Variants in RSPO3 observed in about 807,000 individuals in gnomAD.
The protein encoded by RSPO3 is R-spondin-3.
A neutral mutation model predicts 36.5 loss-of-function variants in RSPO3; 17 were observed. The observed-to-expected ratio is 0.47, with a 90% CI of 0.32 to 0.70. The LOEUF is 0.70. RSPO3 is among the 30% of genes least tolerant of loss of function. RSPO3 has a pLI of 0.04. For missense variants in RSPO3, 294 were observed against 322.5 expected (o/e 0.91, Z 0.68); for synonymous variants, 108 against 107.0 (o/e 1.01, Z -0.06).
Position 127,195,969 on chromosome 6 carries a change from G to T in RSPO3, c.781G>T (p.Asp261Tyr). The change falls in exon 5 of 5, where the codon GAT becomes TAT. Residue 261 changes from aspartate (D) to tyrosine (Y), a missense_variant. Physicochemically the swap from Asp to Tyr is radical, Grantham distance 160. Transcript: ENST00000356698. ...KQQQKKRKVQ[D>Y]KQKSVSVSTV... ...GCAGCAGAAGAAGCGAAAAGTCCAA[G>T]ATAAACAGAAATCGGTATCAGTCAG... 1 of 1,612,906 alleles carries T rather than the reference G, an allele frequency of 6.2e-7. No individual in the cohort carries two copies. Among genetic ancestry groups the T allele is most frequent in the Non-Finnish European group, 8.5e-7 (1 of 1,179,164 alleles).
At chr6:127,146,107 T>C (rs1287280557) in intron 1 of RSPO3, among the ~76,000 whole-genome samples, 3 of 152,136 alleles carry the variant, frequency 2.0e-5, no homozygotes, top group Non-Finnish European at 2.9e-5. Context: ...CATTTCTCTC[T>C]CTTCCCACAG....
chr6:127,136,378 C>G (rs908821027), intron 1 of RSPO3, among the ~76,000 whole-genome samples: 2 of 152,140 alleles, frequency 1.3e-5, no homozygotes, highest in Admixed American at 1.3e-4. Flanking sequence ...TTTTAAAAAA[C>G]AAACCAATTA....
intron 4 of RSPO3, among the ~76,000 whole-genome samples, chr6:127,179,973 C>A (rs1775148315): frequency 6.6e-6 from 1 of 151,850 alleles, no homozygotes; most frequent in Non-Finnish European, 1.5e-5. Flanking sequence ...CTCTGCATCT[C>A]ATGGTCAGCT....
In RSPO3 at chr6:127,195,873, A is replaced by G. The variant is rs1403580052; in HGVS notation, c.685A>G (p.Lys229Glu). 10 of 1,607,502 alleles carry G rather than the reference A, an allele frequency of 6.2e-6. No individual in the cohort carries two copies. In the Admixed American group the frequency reaches 1.7e-4, roughly 27 times the overall value. ...KRKKPNKGESKEAIPDSKSLE... is the reference protein window; with the variant it reads ...KRKKPNKGESEEAIPDSKSLE... ...AAAAAAACCTAATAAAGGAGAAAGT[A>G]AAGAAGCAATACCTGACAGCAAAAG... The change falls in exon 5 of 5, where the codon AAA becomes GAA. Residue 229 changes from lysine (K) to glutamate (E), a missense_variant. By Grantham distance (56) the Lys-to-Glu change is moderately conservative. Coordinates refer to ENST00000356698, the MANE Select transcript of RSPO3 (RefSeq NM_032784.5).
intron 1 of RSPO3, among the ~76,000 whole-genome samples, chr6:127,121,847 A>G (rs1478133631): frequency 6.6e-6 from 1 of 152,230 alleles, no homozygotes; most frequent in Admixed American, 6.5e-5. Context: ...TTTTCAAAAG[A>G]GGCTGGCTAT....
chr6:127,163,971 G>A (rs1010614397), intron 4 of RSPO3, among the ~76,000 whole-genome samples: 20 of 151,970 alleles, frequency 1.3e-4, no homozygotes, highest in African/African-American at 4.8e-4. Context: ...AGCTCACACT[G>A]CCTTCATTCC....
intron 1 of RSPO3, among the ~76,000 whole-genome samples, chr6:127,146,018 C>T (rs903915953): frequency 3.3e-5 from 5 of 151,978 alleles, no homozygotes; most frequent in African/African-American, 4.8e-5. Flanking sequence ...GATCCTTATA[C>T]GGCATTCAAG....
chr6:127,143,282 T>C (rs1349555821), intron 1 of RSPO3, among the ~76,000 whole-genome samples: 1 of 152,078 alleles, frequency 6.6e-6, no homozygotes, highest in East Asian at 1.9e-4. Flanking sequence ...CCATGAGACC[T>C]CTTCCCTCAG....
At chr6:127,157,640 TGTAG>T (rs1335554980) in intron 4 of RSPO3, among the ~76,000 whole-genome samples, 2 of 152,024 alleles carry the variant, frequency 1.3e-5, no homozygotes, top group African/African-American at 4.8e-5. Context: ...AACTAGAAAA[TGTAG>T]GTGTTTTATT....
intron 4 of RSPO3, among the ~76,000 whole-genome samples, chr6:127,161,528 CGGTGGTCGAAAATCAT>C (rs1018351714): frequency 3.3e-5 from 5 of 152,052 alleles, no homozygotes; most frequent in African/African-American, 1.2e-4. Context: ...ATTTTATTAA[CGGTGGTCGAAAATCAT>C]GGTGGACATT....
intron 4 of RSPO3, among the ~76,000 whole-genome samples, chr6:127,175,459 C>A (rs1775033998): frequency 6.6e-6 from 1 of 151,664 alleles, no homozygotes; most frequent in Non-Finnish European, 1.5e-5. Context: ...CTACCACCAC[C>A]AAGTGGAAAT....
chr6:127,147,062 C>A (rs1470533792), intron 1 of RSPO3, among the ~76,000 whole-genome samples: 1 of 152,108 alleles, frequency 6.6e-6, no homozygotes, highest in Non-Finnish European at 1.5e-5. Context: ...GAGGAGCATG[C>A]ACAGGAAAAG....
At chr6:127,130,973 CT>C (rs1774041282) in intron 1 of RSPO3, among the ~76,000 whole-genome samples, 1 of 152,038 alleles carries the variant, frequency 6.6e-6, no homozygotes, top group Non-Finnish European at 1.5e-5. Context: ...GATGGTAACT[CT>C]CAGTCCCCTC....
intron 1 of RSPO3, among the ~76,000 whole-genome samples, chr6:127,139,965 G>C (rs1774237925): frequency 6.6e-6 from 1 of 151,862 alleles, no homozygotes. Context: ...CTTTATTTTT[G>C]GTTCTGTGAG....
At chr6:127,167,911 T>C in intron 4 of RSPO3, among the ~76,000 whole-genome samples, 1 of 151,904 alleles carries the variant, frequency 6.6e-6, no homozygotes, top group Non-Finnish European at 1.5e-5. Flanking sequence ...GTTTCCAGCT[T>C]CATCCATGTC....
rs765045041 is a variant in RSPO3, at chr6:127,148,606, T to A, written c.98-42T>A. On this transcript the variant is annotated intron_variant, in intron 1 of 4. Coordinates refer to ENST00000356698, the MANE Select transcript of RSPO3 (RefSeq NM_032784.5). ...CCAGAAAATGTCATTTTTTTATCTG[T>A]GATTTAACCTTTGTAATGTCTTTCT... is the stretch of plus-strand genomic sequence containing the variant. 4.7e-6 allele frequency: 7 copies of A among 1,490,084 alleles called. No homozygotes were observed. The East Asian group carries it at 1.6e-4, about 34-fold the overall frequency. 92.3% of individuals were successfully genotyped at this position (1,490,084 alleles called of 1,614,324 possible).
rs199511224 is a variant in RSPO3, at chr6:127,122,619, C to G, written c.97+3330C>G. On this transcript the variant is annotated intron_variant, in intron 1 of 4. Transcript: ENST00000356698. Reference sequence around the variant, plus strand: ...GCCATGAATCTCACAGTTATGTACACCTTTATTCTATATTCTGGTCATAGA... The same window carrying G: ...GCCATGAATCTCACAGTTATGTACAGCTTTATTCTATATTCTGGTCATAGA... 8.5e-5 allele frequency among the ~76,000 whole-genome samples: 13 copies of G among 152,256 alleles called. No homozygotes were observed. In the East Asian group the frequency reaches 2.5e-3, roughly 29 times the overall value.
intron 1 of RSPO3, among the ~76,000 whole-genome samples, chr6:127,122,991 A>G (rs1773874562): frequency 6.6e-6 from 1 of 152,128 alleles, no homozygotes; most frequent in African/African-American, 2.4e-5. Context: ...TTATATGCAT[A>G]ATAATTTAAA....
chr6:127,195,954 A>C lies in RSPO3; in HGVS notation c.766A>C (p.Lys256Gln), dbSNP rs1331045677. Residue 256 changes from lysine to glutamine, a missense_variant, in exon 5 of 5, where the codon AAG becomes CAG. By Grantham distance (53) the Lys-to-Gln change is moderately conservative. Transcript: ENST00000356698. ...ACGAGAAAACAAACAGCAGCAGAAG[A>C]AGCGAAAAGTCCAAGATAAACAGAA... The part of the protein sequence containing the change: ...EQRENKQQQK[K>Q]RKVQDKQKSV... 18 of 1,612,984 alleles carry C rather than the reference A, an allele frequency of 1.1e-5. No individual in the cohort carries two copies. Among genetic ancestry groups the C allele is most frequent in the East Asian group, 6.7e-5 (3 of 44,868 alleles).
Sources: gnomAD v4.1 joint callset for allele counts (sites outside exome capture counted in the v4.1 genomes callset) on GRCh38, gnomAD v4.1.1 for gene constraint, MANE v1.5 for transcripts, NCBI Gene and HGNC (gene_info 2026-07-23, HGNC 2026-07-21) for gene names.